ATE1: variants seen among roughly 807,000 people sequenced by gnomAD.
ATE1 encodes the protein arginyltransferase 1.
Under a neutral mutation model 70.5 loss-of-function variants are expected in ATE1, and 36 were observed. That is an observed-to-expected ratio of 0.51 (90% CI 0.39 to 0.67). The LOEUF is 0.67. Among genes scored for constraint, ATE1 ranks in the 30% least tolerant of loss-of-function variants. The probability of loss-of-function intolerance (pLI) is 0.00; values close to 1 mark genes in which losing one functional copy is unlikely to be tolerated. For missense variants in ATE1, 593 were observed against 629.5 expected, an observed-to-expected ratio of 0.94 and a Z score of 0.62; for synonymous variants, 232 against 219.3, an observed-to-expected ratio of 1.06 and a Z score of -0.51.
intron 2 of ATE1, 129 bp downstream of exon 2, chr10:121,924,137 A>C (rs1183718999): frequency 1.4e-6 from 1 of 736,066 alleles, no homozygotes; most frequent in Non-Finnish European, 2.2e-6. Context: ...ACAAAAAATC[A>C]CTACATAAAA....
intron 10 of ATE1, among the ~76,000 whole-genome samples, chr10:121,825,668 C>T (rs1159653708): frequency 1.4e-4 from 21 of 152,220 alleles, no homozygotes; most frequent in Non-Finnish European, 1.5e-5. Context: ...AAACAAACGG[C>T]AGCCCAGAAA....
At chr10:121,882,162 T>C (rs1950247677) in intron 7 of ATE1, among the ~76,000 whole-genome samples, 1 of 152,022 alleles carries the variant, frequency 6.6e-6, no homozygotes, top group Non-Finnish European at 1.5e-5. Context: ...TAAAATTATA[T>C]GTTGATAAAT....
intron 10 of ATE1, among the ~76,000 whole-genome samples, chr10:121,827,427 T>C (rs932444621): frequency 1.3e-5 from 2 of 152,186 alleles, no homozygotes; most frequent in Admixed American, 6.5e-5. Flanking sequence ...TAAGAGAAGC[T>C]GACCAAGAGG....
chr10:121,896,880 A>G (rs1315014490), intron 7 of ATE1, among the ~76,000 whole-genome samples: 3 of 148,690 alleles, frequency 2.0e-5, no homozygotes, highest in African/African-American at 7.5e-5. Flanking sequence ...CCTAACAGGT[A>G]CTCTATGTTC....
At chr10:121,809,783 C>T (rs1457527488) in intron 10 of ATE1, among the ~76,000 whole-genome samples, 1 of 151,658 alleles carries the variant, frequency 6.6e-6, no homozygotes, top group Non-Finnish European at 1.5e-5. Context: ...GGACATTCAA[C>T]ATTCAAGGGG....
rs773205938 is a variant in ATE1, at chr10:121,910,933, C to T, written c.556G>A (p.Val186Ile). The T allele has an allele frequency of 2.5e-6, 4 of 1,613,380 alleles. No individual in the cohort carries two copies. The highest frequency in any genetic ancestry group is 3.3e-5 in the Admixed American group (2 of 59,760). The change falls in exon 5 of 12, where the codon GTT becomes ATT. Residue 186 changes from valine to isoleucine, a missense_variant. Around this residue, in one of 3 missense-constraint regions of ATE1, gnomAD observed 467 missense variants for 469.6 expected, o/e 0.99. Transcript: ENST00000224652. ...KLGSGEPSHS[V>I]KVHTVPKPGK... ...GGCTTAGGAACTGTGTGAACTTTAA[C>T]TGAATGTGACGGTTCACCAGAGCCC...
chr10:121,857,679 G>A (rs990824977), intron 8 of ATE1, among the ~76,000 whole-genome samples: 1 of 152,140 alleles, frequency 6.6e-6, no homozygotes, highest in African/African-American at 2.4e-5. Flanking sequence ...ATTCACAACG[G>A]CAAAGAAACA....
At chr10:121,846,054 G>C (rs1291808810) in intron 8 of ATE1, among the ~76,000 whole-genome samples, 1 of 147,624 alleles carries the variant, frequency 6.8e-6, no homozygotes, top group Non-Finnish European at 1.5e-5. Context: ...AGGAGAAATA[G>C]CTGATTCCAG....
rs1195428189 is a variant in ATE1, at chr10:121,902,553, C to A, written c.651G>T (p.Arg217Ser). The change falls in exon 6 of 12, where the codon AGG (arginine) becomes AGT (serine). Residue 217 changes from arginine to serine, a missense_variant. By Grantham distance (110) the Arg-to-Ser change is moderately radical. Coordinates refer to ENST00000224652, the MANE Select transcript of ATE1 (RefSeq NM_001001976.3). ...CTGGGTTCTGCTGCATTAGTTTTAA[C>A]CTTTTCCTTTCTTTCCGGATTTCCT... ...KAKEIRKERK[R>S]LKLMQQNPAG... The A allele has an allele frequency of 3.7e-6, 6 of 1,614,068 alleles. No individual in the cohort carries two copies. Among genetic ancestry groups the A allele is most frequent in the Non-Finnish European group, 5.1e-6 (6 of 1,180,042 alleles).
intron 7 of ATE1, among the ~76,000 whole-genome samples, chr10:121,887,774 C>T (rs1042881791): frequency 6.6e-6 from 1 of 152,046 alleles, no homozygotes; most frequent in Non-Finnish European, 1.5e-5. Flanking sequence ...TCATATAAGG[C>T]CATGAGCCTA....
chr10:121,903,033 T>TTTTTGTA (rs1951045300), intron 5 of ATE1, among the ~76,000 whole-genome samples: 1 of 133,300 alleles, frequency 7.5e-6, no homozygotes, highest in Non-Finnish European at 1.7e-5. Context: ...GCCTGGCTAA[T>TTTTTGTA]TTTTGTATTT....
intron 7 of ATE1, among the ~76,000 whole-genome samples, chr10:121,878,984 A>G (rs1351765064): frequency 6.6e-6 from 1 of 152,242 alleles, no homozygotes; most frequent in Non-Finnish European, 1.5e-5. Context: ...GAAGAGTCTC[A>G]GCTTAACTAA....
chr10:121,833,415 G>A (rs1215510362), intron 10 of ATE1, among the ~76,000 whole-genome samples: 1 of 152,032 alleles, frequency 6.6e-6, no homozygotes, highest in Non-Finnish European at 1.5e-5. Context: ...TACCTACTAT[G>A]TAGCAGGCAC....
At position 121,801,766 on chromosome 10, in the gene ATE1, C is replaced by T. The variant is rs192203116; in HGVS notation, c.1258-11477G>A. Among the ~76,000 whole-genome samples, 32 of 152,030 alleles carry T rather than the reference C, an allele frequency of 2.1e-4. No homozygotes were observed. In the East Asian group the frequency reaches 5.8e-3, roughly 28 times the overall value. On this transcript the variant is annotated intron_variant, in intron 10 of 11. Coordinates refer to ENST00000224652, the MANE Select transcript of ATE1 (RefSeq NM_001001976.3). ...CTGCCATTACCCTAGCTGAGGCCACCCTCACCTAGACAAGAGTGAGGGGGC... is the reference window on the plus strand; with the variant it reads ...CTGCCATTACCCTAGCTGAGGCCACTCTCACCTAGACAAGAGTGAGGGGGC...
chr10:121,909,711 CAG>C (rs1250613302), intron 5 of ATE1, among the ~76,000 whole-genome samples: 4 of 152,098 alleles, frequency 2.6e-5, no homozygotes, highest in African/African-American at 9.7e-5. Flanking sequence ...CCCTACCCCC[CAG>C]AGAGAAATAG....
intron 8 of ATE1, among the ~76,000 whole-genome samples, chr10:121,853,982 C>T (rs2133895394): frequency 6.6e-6 from 1 of 152,294 alleles, no homozygotes; most frequent in Middle Eastern, 3.4e-3. Flanking sequence ...AACATAATCA[C>T]TTTCCAAAAG....
At chr10:121,872,242 T>C (rs1186546540) in intron 7 of ATE1, among the ~76,000 whole-genome samples, 1 of 152,214 alleles carries the variant, frequency 6.6e-6, no homozygotes. Flanking sequence ...TAAAAACTAA[T>C]GTCTCCTTGA....
At chr10:121,744,207 T>C (rs73360546) in intron 11 of ATE1, among the ~76,000 whole-genome samples, 34,019 of 151,874 alleles carry the variant, frequency 0.22, 4,938 homozygotes, top group African/African-American at 0.4. Flanking sequence ...CAGGTTTGAG[T>C]CACTGTACCC....
chr10:121,841,254 G>A lies in ATE1; in HGVS notation c.985C>T (p.Pro329Ser). The A allele has an allele frequency of 1.3e-6, 2 of 1,510,456 alleles. No homozygotes were observed. The highest frequency in any genetic ancestry group is 1.8e-6 in the Non-Finnish European group (2 of 1,121,492). 93.6% of individuals were successfully genotyped at this position (1,510,456 alleles called of 1,614,324 possible). Residue 329 changes from proline (P) to serine (S), a missense_variant, in exon 9 of 12, where the codon CCC (proline) becomes TCC (serine). Pro to Ser is a moderately conservative substitution (Grantham distance 74). Transcript: ENST00000224652. The stretch of plus-strand genomic sequence containing the variant: ...TAGCCACAATCTGGCCCATTAGGGG[G>A]AGTCTCTGCCTAAGAAAAAGCAGAG... The part of the protein sequence containing the change: ...LCSSPLEAET[P>S]PNGPDCGYGS...
Sources: gnomAD v4.1 joint callset for allele counts (sites outside exome capture counted in the v4.1 genomes callset) on GRCh38, gnomAD v4.1.1 for gene constraint, gnomAD v4.1.1 regional missense constraint, MANE v1.5 for transcripts, NCBI Gene and HGNC (gene_info 2026-07-23, HGNC 2026-07-21) for gene names.